Variants in DPP10 observed in about 807,000 individuals in gnomAD.
DPP10 encodes the protein inactive dipeptidyl peptidase 10.
Under a neutral mutation model 120.9 loss-of-function variants are expected in DPP10, and 33 were observed. That is an observed-to-expected ratio of 0.27 (90% confidence interval 0.21 to 0.37). The LOEUF is 0.37. Among genes scored for constraint, DPP10 ranks in the 10% least tolerant of loss-of-function variants. The pLI is 1.00. For synonymous variants in DPP10, 337 were observed against 326.1 expected, an observed-to-expected ratio of 1.03 and a Z score of -0.36; for missense variants, 816 against 942.8, an observed-to-expected ratio of 0.87 and a Z score of 1.76.
At chr2:115,402,949 G>GTGTA (rs1559549379) in intron 3 of DPP10, among the ~76,000 whole-genome samples, 16 of 140,978 alleles carry the variant, frequency 1.1e-4, no homozygotes, top group African/African-American at 4.2e-4. Flanking sequence ...ATGTGTGTGT[G>GTGTA]TATATATATA....
At chr2:114,852,224 C>T (rs1270435528) in intron 1 of DPP10, among the ~76,000 whole-genome samples, 1 of 112,326 alleles carries the variant, frequency 8.9e-6, no homozygotes, top group African/African-American at 3.5e-5. Flanking sequence ...GAACTATTTA[C>T]TCCTACTGAG....
intron 1 of DPP10, among the ~76,000 whole-genome samples, chr2:115,045,902 A>G (rs924988778): frequency 1.3e-4 from 20 of 152,142 alleles, no homozygotes; most frequent in South Asian, 1.2e-3. Context: ...CTATTAGTTT[A>G]TAGGGGTTTT....
At chr2:114,693,776 C>T (rs1699909320) in intron 1 of DPP10, among the ~76,000 whole-genome samples, 1 of 151,802 alleles carries the variant, frequency 6.6e-6, no homozygotes, top group African/African-American at 2.4e-5. Flanking sequence ...TTCGTTTGCT[C>T]TTTTTTATTC....
intron 1 of DPP10, among the ~76,000 whole-genome samples, chr2:114,660,288 A>G (rs2105541857): frequency 6.6e-6 from 1 of 152,338 alleles, no homozygotes; most frequent in African/African-American, 2.4e-5. Flanking sequence ...ATTAGCTGGA[A>G]AAAAAATTAC....
rs554171320 is a variant in DPP10, at chr2:115,566,966, T to G, written c.441+40994T>G. 1.8e-3 allele frequency among the ~76,000 whole-genome samples: 278 copies of G among 152,282 alleles called. 3 individuals carry two copies. The highest frequency in any genetic ancestry group is 2.5e-3 in the Non-Finnish European group (172 of 68,002). ...CTGGATTCCATTACCCATAATGTAT[T>G]TACTATTTCCTCAGCCTTATAAGAG... On this transcript the variant is annotated intron_variant, in intron 5 of 25. Transcript: ENST00000410059.
intron 7 of DPP10, among the ~76,000 whole-genome samples, chr2:115,722,959 C>T (rs987694145): frequency 2.6e-5 from 4 of 152,140 alleles, no homozygotes; most frequent in South Asian, 2.1e-4. Context: ...GGCAGGACCC[C>T]GGGCTTACAC....
At chr2:115,807,179 G>A (rs1686082219) in intron 19 of DPP10, among the ~76,000 whole-genome samples, 1 of 152,144 alleles carries the variant, frequency 6.6e-6, no homozygotes, top group South Asian at 2.1e-4. Context: ...ATGAAAATTG[G>A]CCAAAGGATA....
chr2:114,458,480 A>C (rs1375280691), intron 1 of DPP10, among the ~76,000 whole-genome samples: 1 of 152,150 alleles, frequency 6.6e-6, no homozygotes, highest in Non-Finnish European at 1.5e-5. Flanking sequence ...ATGAACTTGA[A>C]AATTTTGACA....
intron 1 of DPP10, among the ~76,000 whole-genome samples, chr2:115,279,031 G>A (rs1479186873): frequency 6.6e-6 from 1 of 152,108 alleles, no homozygotes; most frequent in Non-Finnish European, 1.5e-5. Flanking sequence ...CTTTGATTAG[G>A]TTATGATTTA....
At chr2:114,854,827 A>C (rs1689248021) in intron 1 of DPP10, among the ~76,000 whole-genome samples, 1 of 152,112 alleles carries the variant, frequency 6.6e-6, no homozygotes, top group South Asian at 2.1e-4. Flanking sequence ...ATTCTTATTT[A>C]ATTTGAGAAG....
At chr2:114,919,265 GA>G (rs776281366) in intron 1 of DPP10, among the ~76,000 whole-genome samples, 4 of 151,824 alleles carry the variant, frequency 2.6e-5, no homozygotes, top group African/African-American at 9.7e-5. Context: ...TCTCTGGCTA[GA>G]AAAAAAATCA....
At chr2:115,123,629 A>C (rs1355956470) in intron 1 of DPP10, among the ~76,000 whole-genome samples, 1 of 152,038 alleles carries the variant, frequency 6.6e-6, no homozygotes, top group African/African-American at 2.4e-5. Context: ...GCTCTTTTCT[A>C]TCTGCTAGGA....
chr2:115,749,944 T>C, intron 10 of DPP10: 1 of 977,244 alleles, frequency 1.0e-6, no homozygotes, highest in South Asian at 4.7e-5. Flanking sequence ...AGAAAGTCTG[T>C]TGACTTGAGT....
At chr2:115,450,709 TGTTTTTA>T (rs2073040712) in intron 3 of DPP10, among the ~76,000 whole-genome samples, 1 of 151,892 alleles carries the variant, frequency 6.6e-6, no homozygotes, top group Non-Finnish European at 1.5e-5. Context: ...TGTTTAAAGG[TGTTTTTA>T]GCAGCTTGAA....
chr2:115,719,820 G>A (rs755336800), intron 7 of DPP10, among the ~76,000 whole-genome samples: 2 of 151,954 alleles, frequency 1.3e-5, no homozygotes, highest in Non-Finnish European at 2.9e-5. Flanking sequence ...ACTGATCCTC[G>A]TGAACACTTC....
intron 7 of DPP10, among the ~76,000 whole-genome samples, chr2:115,699,670 G>C (rs1436673881): frequency 6.6e-6 from 1 of 152,154 alleles, no homozygotes; most frequent in Non-Finnish European, 1.5e-5. Context: ...AGAGGAGAAA[G>C]CACTTCTTAA....
In DPP10 at chr2:115,795,575, C is replaced by A. The variant is rs558058249; in HGVS notation, c.1700+4219C>A. 1.0e-3 allele frequency among the ~76,000 whole-genome samples: 155 copies of A among 152,202 alleles called. 1 individual carries two copies. Among genetic ancestry groups the A allele is most frequent in the African/African-American group, 3.4e-3 (143 of 41,550 alleles). On this transcript the variant is annotated intron_variant, in intron 19 of 25. Transcript: ENST00000410059. Reference sequence around the variant, plus strand: ...AGCATTATTCATTTTTATCTAGAGTCTCATCACTGAATGTTCTGTGTATCA... The same window carrying A: ...AGCATTATTCATTTTTATCTAGAGTATCATCACTGAATGTTCTGTGTATCA...
In DPP10 at chr2:114,742,106, A is replaced by C. The variant is rs114458409; in HGVS notation, c.60+299268A>C. Among the ~76,000 whole-genome samples, 1,169 of 152,320 alleles carry C rather than the reference A, an allele frequency of 7.7e-3. 13 individuals carry two copies. Among genetic ancestry groups the C allele is most frequent in the African/African-American group, 0.026 (1,100 of 41,562 alleles). ...ACTGAGAAAATTTTAACATTTTTAC[A>C]TATGTGCACAATACTTACACAAAAA... On this transcript the variant is annotated intron_variant, in intron 1 of 25. Transcript: ENST00000410059.
At chr2:115,649,116 A>G (rs2087533258) in intron 5 of DPP10, among the ~76,000 whole-genome samples, 1 of 152,070 alleles carries the variant, frequency 6.6e-6, no homozygotes, top group Non-Finnish European at 1.5e-5. Context: ...AGGAGAGGAA[A>G]TAGATAGTGC....
Sources: allele counts gnomAD v4.1 joint callset (sites outside exome capture counted in the v4.1 genomes callset), GRCh38; gene constraint gnomAD v4.1.1; transcripts MANE v1.5; gene names NCBI Gene and HGNC (gene_info 2026-07-23, HGNC 2026-07-21).